The following ABCC6 variants were observed in gnomAD, a reference collection of about 807,000 sequenced individuals.
ABCC6 encodes the protein ATP-binding cassette sub-family C member 6.
ABCC6 carries 126 observed loss-of-function variants against 169.5 expected under a neutral mutation model. The observed-to-expected ratio is 0.74, with a 90% confidence interval of 0.64 to 0.86. ABCC6 has a LOEUF of 0.86. ABCC6 is among the 40% of genes least tolerant of loss of function. ABCC6 has a pLI of 0.00. For missense variants in ABCC6, 1,733 were observed against 1,927.2 expected, an observed-to-expected ratio of 0.90 and a Z score of 1.89; for synonymous variants, 752 against 814.7, an observed-to-expected ratio of 0.92 and a Z score of 1.31.
At chr16:16,171,937 G>A (rs1281835936) in intron 21 of ABCC6, among the ~76,000 whole-genome samples, 2 of 134,638 alleles carry the variant, frequency 1.5e-5, no homozygotes, top group African/African-American at 2.8e-5. Context: ...ATAAATGGGT[G>A]GGTGGGATGG....
At chr16:16,200,429 GAAAA>G (rs773448065) in intron 9 of ABCC6, among the ~76,000 whole-genome samples, 5 of 46,982 alleles carry the variant, frequency 1.1e-4, no homozygotes, top group Non-Finnish European at 2.2e-4. Context: ...AACTCTGTCA[GAAAA>G]AAAAAAAAAA....
At chr16:16,191,911 G>A (rs77132213) in intron 11 of ABCC6, among the ~76,000 whole-genome samples, 3,382 of 152,252 alleles carry the variant, frequency 0.022, 121 homozygotes, top group African/African-American at 0.073. Context: ...CACAATCAGT[G>A]GCCTGTGCTG....
At chr16:16,168,675 G>A (rs1037871183) in intron 22 of ABCC6, among the ~76,000 whole-genome samples, 14 of 152,144 alleles carry the variant, frequency 9.2e-5, no homozygotes, top group African/African-American at 3.1e-4. Context: ...GGGTTGTTCA[G>A]TATCTCAACT....
chr16:16,164,329 G>T (rs1260221107), intron 23 of ABCC6, among the ~76,000 whole-genome samples: 1 of 152,086 alleles, frequency 6.6e-6, no homozygotes, highest in Non-Finnish European at 1.5e-5. Flanking sequence ...ACCATGCCTA[G>T]CCCTAGCCAT....
chr16:16,201,594 A>T (rs1372160409), intron 9 of ABCC6, among the ~76,000 whole-genome samples: 2 of 152,100 alleles, frequency 1.3e-5, no homozygotes, highest in African/African-American at 2.4e-5. Flanking sequence ...ATAACTAAGG[A>T]GCTGAGACAG....
intron 26 of ABCC6, among the ~76,000 whole-genome samples, chr16:16,159,084 T>C (rs1348405184): frequency 6.6e-6 from 1 of 152,246 alleles, no homozygotes; most frequent in Non-Finnish European, 1.5e-5. Flanking sequence ...TACTGCAATA[T>C]TGTGGTTATG....
chr16:16,179,211 A>G (rs1258627724), intron 17 of ABCC6, among the ~76,000 whole-genome samples: 1 of 152,000 alleles, frequency 6.6e-6, no homozygotes, highest in East Asian at 1.9e-4. Flanking sequence ...ACACTTCCCA[A>G]TCCACTCTGT....
intron 9 of ABCC6, 122 bp from the exon 10 acceptor site, chr16:16,198,304 CT>C: frequency 9.6e-7 from 1 of 1,045,120 alleles, no homozygotes; most frequent in Non-Finnish European, 1.4e-6. Context: ...AGTAAAGTCT[CT>C]TAGGCCAACC....
chr16:16,203,694 G>A (rs2048313843), intron 7 of ABCC6, 81 bp from the exon 8 acceptor site: 6 of 1,522,184 alleles, frequency 3.9e-6, no homozygotes, highest in South Asian at 3.5e-5. Flanking sequence ...TTAAAGGGTT[G>A]TTTTCCCAAC....
intron 29 of ABCC6, among the ~76,000 whole-genome samples, chr16:16,153,906 A>T (rs1264096629): frequency 4.3e-5 from 6 of 138,966 alleles, no homozygotes. Flanking sequence ...CCTGTCTCCA[A>T]AGAAAAAGAA....
intron 4 of ABCC6, among the ~76,000 whole-genome samples, 183 bp from the exon 5 acceptor site, chr16:16,214,632 T>C (rs931631419): frequency 3.3e-5 from 5 of 152,106 alleles, no homozygotes; most frequent in African/African-American, 1.2e-4. Context: ...TAAGACAAAG[T>C]CTCACTTGGT....
At chr16:16,159,656 C>T in intron 25 of ABCC6, 73 bp from the exon 26 acceptor site, 1 of 1,409,792 alleles carries the variant, frequency 7.1e-7, no homozygotes, top group Non-Finnish European at 9.9e-7. Flanking sequence ...CCCTGGTTTC[C>T]CAACCTTTTC....
At chr16:16,190,393 T>C in intron 11 of ABCC6, 26 bp from the exon 12 acceptor site, 1 of 1,613,080 alleles carries the variant, frequency 6.2e-7, no homozygotes, top group Non-Finnish European at 8.5e-7. Flanking sequence ...AAAAGAGAGA[T>C]GAAGACAGGG....
intron 6 of ABCC6, 67 bp from the exon 7 acceptor site, chr16:16,208,926 A>G (rs2048496880): frequency 6.2e-7 from 1 of 1,612,824 alleles, no homozygotes; most frequent in Admixed American, 1.7e-5. Flanking sequence ...TGGCCAGGCG[A>G]GTAGCTGTGT....
chr16:16,221,118 T>A lies in ABCC6; in HGVS notation c.219+531A>T. ...ATTAATACAATGGCAGAAGAATGAA[T>A]GAACTCTGAAGAACATTCTTTGGAA... On this transcript the variant is annotated intron_variant, in intron 2 of 30. Transcript: ENST00000205557. The A allele has an allele frequency of 5.5e-6, 4 of 726,700 alleles. No individual in the cohort carries two copies. The South Asian group carries it at 2.5e-4, about 45-fold the overall frequency. The allele number at this position is 726,700 out of a possible 1,614,324, so 45.0% of individuals were successfully genotyped here.
chr16:16,198,109 A>C lies in ABCC6; in HGVS notation c.1250T>G (p.Val417Gly). ...GAGGACGCTCTCGGTCAGCCGCTGC[A>C]CGTCCACGGACACCAGATTGACCAC... ...GDVVNLVSVD[V>G]QRLTESVLYL... The change falls in exon 10 of 31, where the codon GTG becomes GGG. Residue 417 changes from valine (V) to glycine (G), a missense_variant. This residue lies in a region of ABCC6 where 1,601 missense variants were observed against 1,635.5 expected (regional missense o/e 0.98). Transcript: ENST00000205557. 1 of 1,613,058 alleles carries C rather than the reference A, an allele frequency of 6.2e-7. No homozygotes were observed. Among genetic ancestry groups the C allele is most frequent in the South Asian group, 1.1e-5 (1 of 90,744 alleles).
intron 15 of ABCC6, among the ~76,000 whole-genome samples, 195 bp downstream of exon 15, chr16:16,184,764 T>C (rs1481077205): frequency 6.6e-6 from 1 of 152,060 alleles, no homozygotes; most frequent in Non-Finnish European, 1.5e-5. Context: ...TACTGGTCTA[T>C]GCTGTGCAGG....
chr16:16,169,847 C>A lies in ABCC6; in HGVS notation c.2794G>T (p.Ala932Ser). Residue 932 changes from alanine (A) to serine (S), a missense_variant, in exon 22 of 31, where the codon GCC (alanine) becomes TCC (serine). Ala to Ser is a moderately conservative substitution (Grantham distance 99). Around this residue, in one of 5 missense-constraint regions of ABCC6, gnomAD observed 1,601 missense variants for 1,635.5 expected, o/e 0.98. Transcript: ENST00000205557. ...CGCAGGTAGGCCAGGTGCACTGTGG[C>A]CTTCACCTGTAGCACACATGAGGGA... Reference protein sequence around the residue: ...KDSIQYGRVKATVHLAYLRAV... With the variant: ...KDSIQYGRVKSTVHLAYLRAV... The A allele has an allele frequency of 6.4e-7, 1 of 1,553,078 alleles. No homozygotes were observed. The highest frequency in any genetic ancestry group is 1.2e-5 in the South Asian group (1 of 84,254).
At chr16:16,153,857 C>T (rs1322576173) in intron 29 of ABCC6, among the ~76,000 whole-genome samples, 1 of 150,248 alleles carries the variant, frequency 6.7e-6, no homozygotes, top group Non-Finnish European at 1.5e-5. Context: ...CGAGCCTTGA[C>T]CTCACCACTG....
Sources: gnomAD v4.1 joint callset for allele counts (sites outside exome capture counted in the v4.1 genomes callset) on GRCh38, gnomAD v4.1.1 for gene constraint, gnomAD v4.1.1 regional missense constraint, MANE v1.5 for transcripts, NCBI Gene and HGNC (gene_info 2026-07-23, HGNC 2026-07-21) for gene names.